Variants in CPS1 observed in about 807,000 individuals in gnomAD.
CPS1 encodes the protein carbamoyl-phosphate synthase 1.
In CPS1, 109 loss-of-function variants were observed where a neutral mutation model predicts 174.6. That is an observed-to-expected ratio of 0.62 (90% CI 0.53 to 0.73). The LOEUF is 0.73. Among genes scored for constraint, CPS1 ranks in the 30% least tolerant of loss-of-function variants. The pLI, the probability that CPS1 is intolerant of heterozygous loss-of-function variation, is 0.00. For synonymous variants in CPS1, 637 were observed against 632.0 expected (o/e 1.01, Z -0.12); for missense variants, 1,689 against 1,821.9 (o/e 0.93, Z 1.33).
intron 1 of CPS1, among the ~76,000 whole-genome samples, chr2:210,479,579 T>G (rs1694507943): frequency 6.6e-6 from 1 of 152,184 alleles, no homozygotes; most frequent in Non-Finnish European, 1.5e-5. Context: ...TATGCCTGAC[T>G]TGGCTAACCT....
intron 1 of CPS1, among the ~76,000 whole-genome samples, chr2:210,538,611 G>A (rs910510386): frequency 1.3e-5 from 2 of 151,992 alleles, no homozygotes; most frequent in Non-Finnish European, 2.9e-5. Context: ...TTAAAAATCA[G>A]CCCTTTGACA....
chr2:210,563,139 A>T (rs13432514), intron 1 of CPS1, among the ~76,000 whole-genome samples: 1 of 152,132 alleles, frequency 6.6e-6, no homozygotes, highest in Admixed American at 6.5e-5. Flanking sequence ...AAGTTTTGTT[A>T]TTGTACTTAT....
chr2:210,548,739 A>G (rs1452234238), intron 1 of CPS1, among the ~76,000 whole-genome samples: 1 of 151,948 alleles, frequency 6.6e-6, no homozygotes, highest in Admixed American at 6.6e-5. Context: ...TTTAGCCTAT[A>G]TAAAATAAAA....
intron 1 of CPS1, among the ~76,000 whole-genome samples, chr2:210,545,342 C>A (rs552567948): frequency 4.5e-4 from 69 of 152,112 alleles, no homozygotes; most frequent in African/African-American, 1.6e-3. Context: ...ATAAGGAGTT[C>A]TGGAGAAATT....
intron 1 of CPS1, among the ~76,000 whole-genome samples, chr2:210,516,387 C>A (rs1695682302): frequency 6.6e-6 from 1 of 151,854 alleles, no homozygotes; most frequent in Non-Finnish European, 1.5e-5. Context: ...CCTACACCTT[C>A]TATTTTCTAA....
In CPS1 at chr2:210,612,219, G is replaced by A; in HGVS notation, c.2494G>A (p.Glu832Lys). 1.2e-6 allele frequency: 2 copies of A among 1,612,210 alleles called. No homozygotes were observed. The highest frequency in any genetic ancestry group is 8.5e-7 in the Non-Finnish European group (1 of 1,178,866). Residue 832 changes from glutamate to lysine, a missense_variant, in exon 20 of 38, where the codon GAA becomes AAA. By Grantham distance (56) the Glu-to-Lys change is moderately conservative. Transcript: ENST00000233072. ...CACTCCCCGTCTCCCAATGAACAAA[G>A]AATGGCCATCTAATTTAGATCTTAG... ...GFTPRLPMNK[E>K]WPSNLDLRKE...
At chr2:210,620,187 A>T (rs953279906) in intron 21 of CPS1, among the ~76,000 whole-genome samples, 1 of 152,164 alleles carries the variant, frequency 6.6e-6, no homozygotes, top group Non-Finnish European at 1.5e-5. Context: ...TTTAAGATAA[A>T]ATACAATGGA....
intron 2 of CPS1, among the ~76,000 whole-genome samples, chr2:210,575,160 C>T (rs1697648318): frequency 6.6e-6 from 1 of 151,996 alleles, no homozygotes; most frequent in South Asian, 2.1e-4. Context: ...GATTGCAGAG[C>T]TGAAAGACTA....
At chr2:210,625,275 T>C (rs1193690628) in intron 21 of CPS1, among the ~76,000 whole-genome samples, 2 of 152,066 alleles carry the variant, frequency 1.3e-5, no homozygotes, top group Non-Finnish European at 2.9e-5. Flanking sequence ...CATTTGTTGA[T>C]GAATAATCAC....
intron 28 of CPS1, among the ~76,000 whole-genome samples, chr2:210,650,682 A>AC (rs1227282192): frequency 5.9e-5 from 9 of 152,170 alleles, no homozygotes; most frequent in African/African-American, 2.2e-4. Context: ...GAAAAAGAGG[A>AC]ATACCTGTGC....
At chr2:210,610,010 A>T (rs977244587) in intron 19 of CPS1, among the ~76,000 whole-genome samples, 8 of 151,962 alleles carry the variant, frequency 5.3e-5, no homozygotes, top group African/African-American at 1.9e-4. Context: ...TTAAATTAAA[A>T]TGTCTTACTA....
intron 14 of CPS1, among the ~76,000 whole-genome samples, chr2:210,600,108 A>AT (rs1328938510): frequency 1.4e-4 from 21 of 151,028 alleles, no homozygotes; most frequent in African/African-American, 5.1e-4. Context: ...TATAACTTGT[A>AT]TGTCAAAAAA....
At chr2:210,534,577 G>A (rs145579638) in intron 1 of CPS1, among the ~76,000 whole-genome samples, 1 of 152,126 alleles carries the variant, frequency 6.6e-6, no homozygotes, top group African/African-American at 2.4e-5. Flanking sequence ...TTTTGAAGAG[G>A]TCTCAGTGAA....
intron 12 of CPS1, 52 bp downstream of exon 12, chr2:210,594,658 C>T: frequency 3.0e-6 from 4 of 1,324,262 alleles, no homozygotes; most frequent in Non-Finnish European, 4.4e-6. Context: ...GTCCCTATCA[C>T]ATGAAGATTT....
At chr2:210,608,667 A>G in intron 19 of CPS1, 108 bp downstream of exon 19, 1 of 1,040,512 alleles carries the variant, frequency 9.6e-7, no homozygotes, top group Non-Finnish European at 1.5e-6. Context: ...ACACATGGAC[A>G]GTGTTAAAGG....
intron 1 of CPS1, among the ~76,000 whole-genome samples, chr2:210,548,121 C>A (rs1176541774): frequency 6.6e-6 from 1 of 151,916 alleles, no homozygotes; most frequent in Non-Finnish European, 1.5e-5. Context: ...ATTTCTTTTT[C>A]TGAGTTATAT....
chr2:210,569,243 A>G (rs945851480), intron 1 of CPS1, among the ~76,000 whole-genome samples: 1 of 152,090 alleles, frequency 6.6e-6, no homozygotes. Flanking sequence ...AATGAGTATT[A>G]TGAAGAAAGA....
chr2:210,530,349 T>C (rs1696086109), intron 1 of CPS1, among the ~76,000 whole-genome samples: 1 of 152,144 alleles, frequency 6.6e-6, no homozygotes, highest in Non-Finnish European at 1.5e-5. Flanking sequence ...TTTAATACTT[T>C]ATACTTTTTC....
intron 1 of CPS1, among the ~76,000 whole-genome samples, chr2:210,558,062 C>G (rs149034700): frequency 9.2e-5 from 14 of 151,702 alleles, no homozygotes; most frequent in African/African-American, 3.4e-4. Context: ...GAGAAACTAG[C>G]TCAAGATCCC....
Sources: allele counts gnomAD v4.1 joint callset (sites outside exome capture counted in the v4.1 genomes callset), GRCh38; gene constraint gnomAD v4.1.1; transcripts MANE v1.5; gene names NCBI Gene and HGNC (gene_info 2026-07-23, HGNC 2026-07-21).